The following CD300A variants were observed in gnomAD, a reference collection of about 807,000 sequenced individuals.
The protein encoded by CD300A is CD300a molecule.
A neutral mutation model predicts 33.6 loss-of-function variants in CD300A; 22 were observed. The ratio of observed to expected loss-of-function variants is 0.66; its 90% CI spans 0.47 to 0.94. The LOEUF (loss-of-function observed/expected upper bound fraction) is 0.94. Ranked by LOEUF, CD300A falls within the 40% of genes least tolerant of loss-of-function variation. CD300A has a pLI of 0.00. For missense variants in CD300A, 326 were observed against 360.5 expected (o/e 0.90, Z 0.77); for synonymous variants, 136 against 148.1 (o/e 0.92, Z 0.59).
intron 1 of CD300A, among the ~76,000 whole-genome samples, chr17:74,469,562 C>T (rs939275104): frequency 4.6e-5 from 7 of 152,306 alleles, no homozygotes; most frequent in African/African-American, 1.2e-4. Flanking sequence ...CGTTGGCTCA[C>T]GCCTGTAATC....
intron 1 of CD300A, among the ~76,000 whole-genome samples, chr17:74,471,723 C>T (rs1906112726): frequency 6.6e-6 from 1 of 152,008 alleles, no homozygotes; most frequent in Admixed American, 6.6e-5. Flanking sequence ...TACATCCAGG[C>T]GTGGAGAGGT....
intron 3 of CD300A, among the ~76,000 whole-genome samples, chr17:74,475,316 G>A (rs1020933773): frequency 5.0e-4 from 76 of 152,174 alleles, no homozygotes; most frequent in Non-Finnish European, 1.0e-3. Flanking sequence ...CAACACGTGG[G>A]AATTATATGG....
rs1555638944 is a variant in CD300A, at chr17:74,480,748, TTTC to T, written c.629-538_629-536del. Among the ~76,000 whole-genome samples the T allele has an allele frequency of 3.3e-5, 5 of 152,180 alleles. No individual in the cohort carries two copies. The East Asian group carries it at 5.8e-4, about 18-fold the overall frequency. Reference sequence around the variant, plus strand: ...CTGGGAGCTTTCTTTCCTTTCTTTCTTTCTTTTTTTCGTTTTTGAGACAGAGTC... The same window carrying T: ...CTGGGAGCTTTCTTTCCTTTCTTTCTTTTTTTTCGTTTTTGAGACAGAGTC... On this transcript the variant is annotated intron_variant, in intron 4 of 6. Coordinates refer to ENST00000360141, the MANE Select transcript of CD300A (RefSeq NM_007261.4). The surrounding 1 kb of genome is among the most constrained non-coding windows in gnomAD (Gnocchi z 4.2).
intron 1 of CD300A, among the ~76,000 whole-genome samples, chr17:74,470,688 G>A (rs560535547): frequency 2.6e-4 from 40 of 151,752 alleles, no homozygotes; most frequent in African/African-American, 9.2e-4. Flanking sequence ...TCACTCTGTC[G>A]CCCAGGCTGG....
At chr17:74,481,667 G>A (rs1003861908) in intron 5 of CD300A, 59 bp from the exon 6 acceptor site, 57 of 1,238,674 alleles carry the variant, frequency 4.6e-5, no homozygotes, top group Admixed American at 5.9e-5. Context: ...ATGCAGAGAC[G>A]CAGGGACAGA....
At chr17:74,471,379 C>T (rs1037678676) in intron 1 of CD300A, among the ~76,000 whole-genome samples, 1 of 152,158 alleles carries the variant, frequency 6.6e-6, no homozygotes, top group Non-Finnish European at 1.5e-5. Flanking sequence ...ATGTGAAACC[C>T]TGTTGTCTTG....
chr17:74,466,952 C>G (rs1018398239), intron 1 of CD300A: 8 of 1,424,864 alleles, frequency 5.6e-6, no homozygotes, highest in Non-Finnish European at 6.4e-6. Context: ...GGCTCTGCAC[C>G]CACGTACCTT....
At chr17:74,478,385 A>C (rs542655167) in intron 4 of CD300A, among the ~76,000 whole-genome samples, 2 of 152,224 alleles carry the variant, frequency 1.3e-5, no homozygotes, top group Non-Finnish European at 2.9e-5. Flanking sequence ...TGTGTTATTC[A>C]GTATCTCCAG....
chr17:74,483,005 C>T (rs890554336), intron 6 of CD300A, among the ~76,000 whole-genome samples: 3 of 151,696 alleles, frequency 2.0e-5, no homozygotes, highest in Non-Finnish European at 4.4e-5. Flanking sequence ...CCACCACACC[C>T]GGCCAGCTCC....
At chr17:74,477,560 C>A (rs762018120) in intron 4 of CD300A, 30 bp downstream of exon 4, 7 of 1,520,400 alleles carry the variant, frequency 4.6e-6, no homozygotes, top group Admixed American at 1.7e-5. Flanking sequence ...CCCTCTGCCC[C>A]ACCTGGGGTG....
At chr17:74,482,732 T>TTCTTTCTTTCTTTCTTTTCTTTCTC (rs1336360956) in intron 6 of CD300A, among the ~76,000 whole-genome samples, 2 of 133,046 alleles carry the variant, frequency 1.5e-5, no homozygotes, top group South Asian at 2.2e-4. Context: ...CTTTCTTTCT[T>TTCTTTCTTTCTTTCTTTTCTTTCTC]TGGAATCTCG....
intron 2 of CD300A, 85 bp downstream of exon 2, chr17:74,473,959 A>AGTGTGT: frequency 7.1e-7 from 1 of 1,412,020 alleles, no homozygotes. Context: ...TGAAGCAGAC[A>AGTGTGT]GTGTGTGTGT....
chr17:74,478,190 G>A (rs1451976654), intron 4 of CD300A, among the ~76,000 whole-genome samples: 1 of 152,172 alleles, frequency 6.6e-6, no homozygotes, highest in Non-Finnish European at 1.5e-5. Flanking sequence ...CTCCAACAGT[G>A]GTCCTCAGAC....
At chr17:74,475,739 G>A (rs557650903) in intron 3 of CD300A, among the ~76,000 whole-genome samples, 31 of 152,116 alleles carry the variant, frequency 2.0e-4, no homozygotes, top group African/African-American at 2.7e-4. Flanking sequence ...CCACAAGACC[G>A]CCCTGATTTA....
chr17:74,466,390 G>A, upstream of CD300A: 1 of 333,140 alleles, frequency 3.0e-6, no homozygotes, highest in East Asian at 5.3e-5. Context: ...ACCCGGGGAA[G>A]TGAGAGTCGG....
intron 3 of CD300A, among the ~76,000 whole-genome samples, chr17:74,475,491 G>C (rs527383652): frequency 2.6e-4 from 39 of 152,298 alleles, no homozygotes; most frequent in African/African-American, 9.4e-4. Context: ...TGTGACTCCA[G>C]AGCCTTGAGT....
chr17:74,475,822 C>A (rs1008477866), intron 3 of CD300A, among the ~76,000 whole-genome samples: 11 of 152,180 alleles, frequency 7.2e-5, no homozygotes, highest in African/African-American at 2.4e-4. Flanking sequence ...TGGGGGTTCC[C>A]AGGACCCCCC....
At chr17:74,476,862 G>A (rs755701211) in intron 3 of CD300A, among the ~76,000 whole-genome samples, 21 of 152,180 alleles carry the variant, frequency 1.4e-4, no homozygotes, top group Admixed American at 2.6e-4. Flanking sequence ...AACCAGAATA[G>A]TGTTAGACGA....
At chr17:74,470,802 C>T (rs1356660377) in intron 1 of CD300A, among the ~76,000 whole-genome samples, 1 of 150,016 alleles carries the variant, frequency 6.7e-6, no homozygotes, top group African/African-American at 2.5e-5. Context: ...GCACGTGCCA[C>T]CATGCCTGGC....
Sources: gnomAD v4.1 joint callset for allele counts (sites outside exome capture counted in the v4.1 genomes callset) on GRCh38, gnomAD v4.1.1 for gene constraint, Gnocchi (gnomAD v3.1) non-coding constraint, MANE v1.5 for transcripts, NCBI Gene and HGNC (gene_info 2026-07-23, HGNC 2026-07-21) for gene names.